The following MED13L variants were observed in gnomAD, a reference collection of about 807,000 sequenced individuals.
MED13L encodes mediator of RNA polymerase II transcription subunit 13-like.
A neutral mutation model predicts 220.9 loss-of-function variants in MED13L; 7 were observed. The ratio of observed to expected loss-of-function variants is 0.03; its 90% CI spans 0.02 to 0.06. MED13L has a LOEUF of 0.06. Among genes scored for constraint, MED13L ranks in the 10% least tolerant of loss-of-function variants. The pLI, the probability that MED13L is intolerant of heterozygous loss-of-function variation, is 1.00. For missense variants in MED13L, 1,965 were observed against 2,760.5 expected (o/e 0.71, Z 6.46); for synonymous variants, 1,011 against 1,015.2 (o/e 1.00, Z 0.08).
intron 4 of MED13L, among the ~76,000 whole-genome samples, chr12:116,090,727 T>C (rs529631446): frequency 4.0e-4 from 61 of 152,298 alleles, no homozygotes; most frequent in African/African-American, 1.4e-3. Flanking sequence ...GAACGGTCTA[T>C]TGAACAAGGA....
At chr12:116,235,861 T>C (rs1161555940) in intron 2 of MED13L, among the ~76,000 whole-genome samples, 1 of 152,174 alleles carries the variant, frequency 6.6e-6, no homozygotes, top group Non-Finnish European at 1.5e-5. Flanking sequence ...TACAAAATTA[T>C]ATGTACCACA....
intron 14 of MED13L, 86 bp from the exon 15 acceptor site, chr12:115,997,316 C>CA: frequency 9.8e-7 from 1 of 1,019,274 alleles, no homozygotes; most frequent in East Asian, 2.5e-5. Context: ...TCTTTGGCAC[C>CA]AAAAATAGTG....
chr12:115,989,671 GAT>G (rs1204333653), intron 17 of MED13L, among the ~76,000 whole-genome samples: 2 of 152,068 alleles, frequency 1.3e-5, no homozygotes, highest in African/African-American at 4.8e-5. Context: ...TTTCTCTCCA[GAT>G]ATAGTCTTAT....
At position 116,124,123 on chromosome 12, in the gene MED13L, CGAGAGA is replaced by C. The variant is rs58366115; in HGVS notation, c.311-12617_311-12612del. 6.9e-3 allele frequency among the ~76,000 whole-genome samples: 921 copies of C among 133,608 alleles called. 5 individuals carry two copies. Among genetic ancestry groups the C allele is most frequent in the Non-Finnish European group, 0.011 (662 of 60,182 alleles). The allele number at this position is 133,608 out of a possible 152,430, so 87.7% of individuals were successfully genotyped here. A position where few individuals can be genotyped will look rare whatever the true frequency, so the allele number is the denominator to read the frequency against. ...ACATCTGCAGAGAGAGAGAGAAAGA[CGAGAGA>C]GAGAGAGAGAGAGAGAGAGAGACAG... On this transcript the variant is annotated intron_variant, in intron 2 of 30. Coordinates refer to ENST00000281928, the MANE Select transcript of MED13L (RefSeq NM_015335.5).
rs373430724 is a variant in MED13L, at chr12:115,986,244, A to G, written c.4338+22T>C. The G allele has an allele frequency of 2.3e-3, 3,697 of 1,607,238 alleles. 7 individuals carry two copies. Among genetic ancestry groups the G allele is most frequent in the Non-Finnish European group, 2.9e-3 (3,378 of 1,173,882 alleles). ...CAGAGGATCCAAGTCATAAAAAGCA[A>G]TTTTCACAGTAACTTCCTCACCTCG... is the stretch of plus-strand genomic sequence containing the variant. On this transcript the variant is annotated intron_variant, in intron 19 of 30. Transcript: ENST00000281928.
chr12:116,241,572 T>C (rs542299243), intron 1 of MED13L, among the ~76,000 whole-genome samples: 69 of 152,306 alleles, frequency 4.5e-4, no homozygotes, highest in African/African-American at 1.6e-3. Flanking sequence ...TTCCTAATCC[T>C]AGTACATCCA....
chr12:116,107,119 G>A (rs184110860), intron 3 of MED13L, among the ~76,000 whole-genome samples: 4 of 152,252 alleles, frequency 2.6e-5, no homozygotes, highest in Admixed American at 2.0e-4. Context: ...ACAGTTAACT[G>A]GCAGAACTGA....
chr12:116,108,110 C>CAA (rs950410079), intron 3 of MED13L, among the ~76,000 whole-genome samples: 1 of 141,724 alleles, frequency 7.1e-6, no homozygotes. Context: ...AACAAACAAA[C>CAA]AAAAAAAAAA....
At chr12:116,114,662 T>C (rs546755234) in intron 2 of MED13L, among the ~76,000 whole-genome samples, 1 of 152,142 alleles carries the variant, frequency 6.6e-6, no homozygotes, top group Non-Finnish European at 1.5e-5. Context: ...AAAGAAGAAA[T>C]AATCGTCTCT....
intron 2 of MED13L, among the ~76,000 whole-genome samples, chr12:116,164,729 G>C (rs1195194513): frequency 6.6e-6 from 1 of 152,184 alleles, no homozygotes; most frequent in Non-Finnish European, 1.5e-5. Flanking sequence ...ATGTCACACT[G>C]TCTTTTCAGA....
intron 2 of MED13L, among the ~76,000 whole-genome samples, chr12:116,171,796 GC>G (rs1879699617): frequency 6.6e-6 from 1 of 152,086 alleles, no homozygotes; most frequent in Non-Finnish European, 1.5e-5. Flanking sequence ...GTACTGAGAA[GC>G]CCTATTTCCC....
chr12:116,221,984 ATAATTTAAC>A (rs1462634403), intron 2 of MED13L, among the ~76,000 whole-genome samples: 1 of 152,220 alleles, frequency 6.6e-6, no homozygotes, highest in Non-Finnish European at 1.5e-5. Flanking sequence ...ATGCCCATAT[ATAATTTAAC>A]TAAGACTATA....
chr12:115,962,271 G>C (rs1305036646), intron 30 of MED13L, among the ~76,000 whole-genome samples: 2 of 152,148 alleles, frequency 1.3e-5, no homozygotes, highest in African/African-American at 4.8e-5. Context: ...GATGGTTTCA[G>C]GATGAAACTG....
intron 23 of MED13L, among the ~76,000 whole-genome samples, chr12:115,977,709 G>A (rs1041662588): frequency 3.9e-5 from 6 of 152,122 alleles, no homozygotes; most frequent in Non-Finnish European, 5.9e-5. Context: ...ATAAAAGATC[G>A]CATATGGCCA....
At chr12:116,079,213 T>TTGGTGG (rs149724662) in intron 4 of MED13L, among the ~76,000 whole-genome samples, 14 of 151,866 alleles carry the variant, frequency 9.2e-5, no homozygotes, top group Admixed American at 5.9e-4. Context: ...TCAGTTTTAT[T>TTGGTGG]TGGTGGTGGT....
intron 4 of MED13L, among the ~76,000 whole-genome samples, chr12:116,081,359 T>C (rs1179012746): frequency 6.6e-6 from 1 of 152,244 alleles, no homozygotes; most frequent in Admixed American, 6.5e-5. Flanking sequence ...TACTTTAGGA[T>C]GCTGAAGTCC....
At chr12:115,997,849 G>A (rs1377852810) in intron 14 of MED13L, among the ~76,000 whole-genome samples, 1 of 152,178 alleles carries the variant, frequency 6.6e-6, no homozygotes, top group East Asian at 1.9e-4. Flanking sequence ...CTAAGGAGAG[G>A]AATTAAACAG....
intron 23 of MED13L, among the ~76,000 whole-genome samples, chr12:115,979,353 G>A (rs1877169227): frequency 6.6e-6 from 1 of 151,734 alleles, no homozygotes; most frequent in African/African-American, 2.4e-5. Context: ...CATAATTTCT[G>A]GAAACAAAAT....
chr12:116,121,465 T>C (rs1327496750), intron 2 of MED13L, among the ~76,000 whole-genome samples: 1 of 152,000 alleles, frequency 6.6e-6, no homozygotes, highest in Non-Finnish European at 1.5e-5. Flanking sequence ...TGGAAAGATA[T>C]CCCTTCCAAT....
Sources: allele counts gnomAD v4.1 joint callset (sites outside exome capture counted in the v4.1 genomes callset), GRCh38; gene constraint gnomAD v4.1.1; transcripts MANE v1.5; gene names NCBI Gene and HGNC (gene_info 2026-07-23, HGNC 2026-07-21).